The following TBX20 variants were observed in gnomAD, a reference collection of about 807,000 sequenced individuals.
The protein encoded by TBX20 is T-box transcription factor TBX20.
Under a neutral mutation model 42.9 loss-of-function variants are expected in TBX20, and 8 were observed. That is an observed-to-expected ratio of 0.19 (90% confidence interval 0.11 to 0.34). The LOEUF (loss-of-function observed/expected upper bound fraction) is 0.34, where lower values mean the gene tolerates loss of function less well. Among genes scored for constraint, TBX20 ranks in the 10% least tolerant of loss-of-function variants. TBX20 has a pLI of 1.00. For missense variants in TBX20, 411 were observed against 566.0 expected (o/e 0.73, Z 2.78); for synonymous variants, 198 against 222.8 (o/e 0.89, Z 0.99).
chr7:35,248,555 G>T, intron 3 of TBX20, 122 bp downstream of exon 3: 2 of 1,079,800 alleles, frequency 1.9e-6, no homozygotes, highest in Non-Finnish European at 2.8e-6. Flanking sequence ...GTCCAGGCTT[G>T]GAATGCTCTC....
At chr7:35,240,076 G>T (rs1037292358) in intron 5 of TBX20, among the ~76,000 whole-genome samples, 1 of 152,196 alleles carries the variant, frequency 6.6e-6, no homozygotes, top group African/African-American at 2.4e-5. Flanking sequence ...TAAATGTGAT[G>T]TACAACAGAG....
chr7:35,223,414 G>A (rs763984507), intron 6 of TBX20, among the ~76,000 whole-genome samples: 2 of 152,198 alleles, frequency 1.3e-5, no homozygotes, highest in Non-Finnish European at 2.9e-5. Context: ...GCATAAAACC[G>A]AGACAGGGCA....
At chr7:35,208,961 CTG>C (rs1789449696) in intron 6 of TBX20, among the ~76,000 whole-genome samples, 2 of 151,962 alleles carry the variant, frequency 1.3e-5, no homozygotes, top group South Asian at 4.1e-4. Flanking sequence ...AATGCTTTTT[CTG>C]TGTCTGTTGA....
intron 7 of TBX20, among the ~76,000 whole-genome samples, chr7:35,203,673 G>A (rs936036062): frequency 6.6e-6 from 1 of 152,222 alleles, no homozygotes; most frequent in African/African-American, 2.4e-5. Flanking sequence ...TTTAGGAAGT[G>A]AAAAGTTATA....
chr7:35,208,828 A>G (rs931732116), intron 6 of TBX20, among the ~76,000 whole-genome samples: 1 of 143,618 alleles, frequency 7.0e-6, no homozygotes, highest in Non-Finnish European at 1.5e-5. Context: ...AAAGCATTCA[A>G]TTTTTCACCA....
chr7:35,207,166 C>T (rs558529155), intron 6 of TBX20, among the ~76,000 whole-genome samples: 1 of 152,316 alleles, frequency 6.6e-6, no homozygotes, highest in African/African-American at 2.4e-5. Context: ...TCTATACTCT[C>T]ACTGATGCCT....
intron 6 of TBX20, among the ~76,000 whole-genome samples, chr7:35,218,885 G>A (rs957347597): frequency 6.6e-6 from 1 of 152,200 alleles, no homozygotes; most frequent in Non-Finnish European, 1.5e-5. Context: ...TTATGAAAGA[G>A]CCTGAGGAAG....
intron 6 of TBX20, among the ~76,000 whole-genome samples, chr7:35,230,540 A>T (rs554907118): frequency 4.6e-5 from 7 of 152,152 alleles, no homozygotes; most frequent in African/African-American, 1.4e-4. Flanking sequence ...ACATTCTGCC[A>T]TTTGGGAAGG....
rs115340024 is a variant in TBX20, at chr7:35,252,067, G to C, written c.127+1427C>G. The stretch of plus-strand genomic sequence containing the variant: ...GTGGCTTTTCTCAGAAAAATAAAGA[G>C]AGAAGGAAGCAATGTTGAAATGACA... On this transcript the variant is annotated intron_variant, in intron 1 of 7. Transcript: ENST00000408931. 3.9e-3 allele frequency among the ~76,000 whole-genome samples: 592 copies of C among 152,284 alleles called. 2 individuals are homozygous for C. Among genetic ancestry groups the C allele is most frequent in the African/African-American group, 0.013 (557 of 41,558 alleles).
At chr7:35,205,311 TA>T (rs923529888) in intron 6 of TBX20, among the ~76,000 whole-genome samples, 8 of 142,558 alleles carry the variant, frequency 5.6e-5, no homozygotes, top group African/African-American at 1.3e-4. Context: ...CTTTAAAAAA[TA>T]AAAAAAAAAT....
Position 35,243,799 on chromosome 7 carries a change from A to C in TBX20, c.654+1150T>G, listed in dbSNP as rs1283284004. Among the ~76,000 whole-genome samples, 2 of 152,238 alleles carry C rather than the reference A, an allele frequency of 1.3e-5. 1 individual carries two copies. The highest frequency in any genetic ancestry group is 1.3e-4 in the Admixed American group (2 of 15,286). ...AACAGAAGCATATTAAGTTACTTCCAATATCCCAACAGCACCACCAGTAGA... is the reference window on the plus strand; with the variant it reads ...AACAGAAGCATATTAAGTTACTTCCCATATCCCAACAGCACCACCAGTAGA... On this transcript the variant is annotated intron_variant, in intron 4 of 7. Transcript: ENST00000408931.
At chr7:35,213,867 G>A (rs1186664035) in intron 6 of TBX20, among the ~76,000 whole-genome samples, 2 of 98,172 alleles carry the variant, frequency 2.0e-5, no homozygotes, top group African/African-American at 4.2e-5. Flanking sequence ...ACAAGGAATT[G>A]CAGAGATAGC....
In TBX20 at chr7:35,249,848, C is replaced by T; in HGVS notation, c.380+103G>A. 2.2e-6 allele frequency: 3 copies of T among 1,351,864 alleles called. No homozygotes were observed. Among genetic ancestry groups the T allele is most frequent in the Non-Finnish European group, 3.0e-6 (3 of 988,670 alleles). 83.7% of individuals were successfully genotyped at this position (1,351,864 alleles called of 1,614,324 possible). ...CCTGGAGCCAAGCTGTCTCTCCGCT[C>T]CATGACCAGCCAGCTCTCATCTAGT... On this transcript the variant is annotated intron_variant, in intron 2 of 7. Coordinates refer to ENST00000408931, the MANE Select transcript of TBX20 (RefSeq NM_001077653.2). This position sits in a 1 kb window ranked among gnomAD's most constrained non-coding sequence, Gnocchi z 4.3.
chr7:35,213,002 T>C (rs1428313930), intron 6 of TBX20, among the ~76,000 whole-genome samples: 2 of 152,218 alleles, frequency 1.3e-5, no homozygotes, highest in Non-Finnish European at 2.9e-5. Context: ...AACTCAGCTC[T>C]GACCTCTCAA....
At chr7:35,205,349 C>CT (rs1256011137) in intron 6 of TBX20, among the ~76,000 whole-genome samples, 1 of 150,918 alleles carries the variant, frequency 6.6e-6, no homozygotes, top group Non-Finnish European at 1.5e-5. Flanking sequence ...TGACCTTCTG[C>CT]TTTTAAAAAA....
rs763145312 is a variant in TBX20 at position 35,250,128 on chromosome 7, C to A, written c.203G>T (p.Gly68Val). 1.6e-5 allele frequency: 26 copies of A among 1,613,794 alleles called. No individual in the cohort carries two copies. The South Asian group carries it at 2.9e-4, about 18-fold the overall frequency. ...LTSLDAHGEF[G>V]GGSGSSPSSS... ...GGACGGGCTGCTGCCACTGCCTCCA[C>A]CAAACTCCCCATGAGCATCCAGGCT... The change falls in exon 2 of 8, where the codon GGT becomes GTT. Residue 68 changes from glycine (G) to valine (V), a missense_variant. Gly to Val is a moderately radical substitution (Grantham distance 109). Transcript: ENST00000408931.
chr7:35,230,223 G>A (rs944783183), intron 6 of TBX20, among the ~76,000 whole-genome samples: 1 of 152,164 alleles, frequency 6.6e-6, no homozygotes, highest in Non-Finnish European at 1.5e-5. Context: ...AAATGAAGTT[G>A]CCTTTTGCAA....
Position 35,209,821 on chromosome 7 carries a change from A to T in TBX20, c.891-5239T>A, listed in dbSNP as rs185298541. On this transcript the variant is annotated intron_variant, in intron 6 of 7. Coordinates refer to ENST00000408931, the MANE Select transcript of TBX20 (RefSeq NM_001077653.2). The stretch of plus-strand genomic sequence containing the variant: ...AATTTTCTGGAAGTAATGTTTTAGC[A>T]GAATCCTGCAAGTTTTTATATGTTG... 1.6e-3 allele frequency among the ~76,000 whole-genome samples: 250 copies of T among 152,340 alleles called. 4 individuals are homozygous for T. The highest frequency in any genetic ancestry group is 2.4e-4 in the Non-Finnish European group (16 of 68,036).
intron 6 of TBX20, among the ~76,000 whole-genome samples, chr7:35,225,113 A>G (rs1236182779): frequency 6.6e-6 from 1 of 152,218 alleles, no homozygotes; most frequent in Non-Finnish European, 1.5e-5. Flanking sequence ...ATTTATTAAA[A>G]CTGATTTTTT....
Sources: gnomAD v4.1 joint callset for allele counts (sites outside exome capture counted in the v4.1 genomes callset) on GRCh38, gnomAD v4.1.1 for gene constraint, Gnocchi (gnomAD v3.1) non-coding constraint, MANE v1.5 for transcripts, NCBI Gene and HGNC (gene_info 2026-07-23, HGNC 2026-07-21) for gene names.